UBE2E2: variants seen among roughly 807,000 people sequenced by gnomAD.
UBE2E2 encodes the protein ubiquitin-conjugating enzyme E2 E2.
UBE2E2 carries 6 observed loss-of-function variants against 24.7 expected under a neutral mutation model. That is an observed-to-expected ratio of 0.24 (90% confidence interval 0.13 to 0.48). The LOEUF (loss-of-function observed/expected upper bound fraction) is 0.48. Among genes scored for constraint, UBE2E2 ranks in the 20% least tolerant of loss-of-function variants. The pLI is 0.99. For missense variants in UBE2E2, 169 were observed against 245.0 expected (o/e 0.69, Z 2.07); for synonymous variants, 104 against 83.6 (o/e 1.24, Z -1.33).
chr3:23,317,090 C>T (rs75566171), intron 3 of UBE2E2, among the ~76,000 whole-genome samples: 144 of 152,262 alleles, frequency 9.5e-4, no homozygotes, highest in Non-Finnish European at 1.6e-3. Context: ...ATGGTGCATA[C>T]GCTCCTTTAG....
At chr3:23,259,899 A>AT (rs1185181572) in intron 3 of UBE2E2, among the ~76,000 whole-genome samples, 1 of 152,224 alleles carries the variant, frequency 6.6e-6, no homozygotes, top group African/African-American at 2.4e-5. Flanking sequence ...AACACATGGA[A>AT]TTAGATCAGT....
At chr3:23,343,849 A>G (rs958816797) in intron 3 of UBE2E2, among the ~76,000 whole-genome samples, 1 of 152,138 alleles carries the variant, frequency 6.6e-6, no homozygotes, top group Non-Finnish European at 1.5e-5. Context: ...CTTCTGCACA[A>G]TATTGTTTGA....
chr3:23,575,056 A>C (rs984026048), intron 5 of UBE2E2, among the ~76,000 whole-genome samples: 4 of 152,220 alleles, frequency 2.6e-5, no homozygotes, highest in Non-Finnish European at 4.4e-5. Context: ...AGTGGATAAC[A>C]TTAAAACCAT....
At chr3:23,508,741 A>G (rs1210067243) in intron 4 of UBE2E2, among the ~76,000 whole-genome samples, 1 of 152,184 alleles carries the variant, frequency 6.6e-6, no homozygotes, top group Non-Finnish European at 1.5e-5. Context: ...ACCGCACTCT[A>G]AATGGAAGTT....
At chr3:23,335,395 A>G (rs1487429035) in intron 3 of UBE2E2, among the ~76,000 whole-genome samples, 2 of 152,224 alleles carry the variant, frequency 1.3e-5, no homozygotes, top group African/African-American at 4.8e-5. Flanking sequence ...TCACAGACAT[A>G]TAAGGCATTT....
At chr3:23,373,368 C>T (rs1264963393) in intron 3 of UBE2E2, among the ~76,000 whole-genome samples, 1 of 152,168 alleles carries the variant, frequency 6.6e-6, no homozygotes, top group Non-Finnish European at 1.5e-5. Context: ...ATTCCACAGC[C>T]TCCAATTCCA....
At position 23,588,379 on chromosome 3, in the gene UBE2E2, AT is replaced by A. The variant is rs1210879222; in HGVS notation, c.509-1353del. Among the ~76,000 whole-genome samples the A allele has an allele frequency of 1.4e-5, 2 of 147,434 alleles. 1 individual carries two copies. Among genetic ancestry groups the A allele is most frequent in the South Asian group, 4.4e-4 (2 of 4,538 alleles). ...AGGAACCTAAGTTACTTTTTTTTTA[AT>A]TGCTTTGCTTTTTGTTTTTTTGTTT... On this transcript the variant is annotated intron_variant, in intron 5 of 5. Transcript: ENST00000396703.
intron 3 of UBE2E2, among the ~76,000 whole-genome samples, chr3:23,253,654 G>A (rs1697638988): frequency 6.6e-6 from 1 of 152,130 alleles, no homozygotes; most frequent in African/African-American, 2.4e-5. Context: ...AATATGGACT[G>A]TTACCTGTAA....
intron 3 of UBE2E2, among the ~76,000 whole-genome samples, chr3:23,366,202 T>G (rs1293833581): frequency 6.6e-6 from 1 of 152,214 alleles, no homozygotes; most frequent in Admixed American, 6.5e-5. Context: ...GGAACACTTA[T>G]ACACTGCTGG....
chr3:23,303,957 G>T lies in UBE2E2; in HGVS notation c.227+86645G>T, dbSNP rs577519869. Among the ~76,000 whole-genome samples, 36 of 152,300 alleles carry T rather than the reference G, an allele frequency of 2.4e-4. 1 individual carries two copies. In the South Asian group the frequency reaches 7.3e-3, roughly 31 times the overall value. ...GTCTTACCTGAATTCTCTCCATAGA[G>T]TGTAATTATCTGAGCTGGATTCTTC... On this transcript the variant is annotated intron_variant, in intron 3 of 5. Coordinates refer to ENST00000396703, the MANE Select transcript of UBE2E2 (RefSeq NM_152653.4).
chr3:23,541,965 A>G (rs1695404932), intron 5 of UBE2E2, among the ~76,000 whole-genome samples: 1 of 152,204 alleles, frequency 6.6e-6, no homozygotes, highest in African/African-American at 2.4e-5. Flanking sequence ...GTTCATACAC[A>G]GACTAATTTA....
At position 23,589,187 on chromosome 3, in the gene UBE2E2, A is replaced by C. The variant is rs1275649419; in HGVS notation, c.509-547A>C. Among the ~76,000 whole-genome samples, 1 of 152,142 alleles carries C rather than the reference A, an allele frequency of 6.6e-6. No individual in the cohort carries two copies. Among genetic ancestry groups the C allele is most frequent in the African/African-American group, 2.4e-5 (1 of 41,440 alleles). ...TCCCAGCACTTTGGGAGGCTGAGGC[A>C]GGAGGATAACTTGAGCCCAGGAGTT... On this transcript the variant is annotated intron_variant, in intron 5 of 5. Coordinates refer to ENST00000396703, the MANE Select transcript of UBE2E2 (RefSeq NM_152653.4). This position sits in a 1 kb window ranked among gnomAD's most constrained non-coding sequence, Gnocchi z 4.1.
At chr3:23,476,477 T>C (rs1559395620) in intron 3 of UBE2E2, among the ~76,000 whole-genome samples, 1 of 152,074 alleles carries the variant, frequency 6.6e-6, no homozygotes, top group Non-Finnish European at 1.5e-5. Context: ...GGAGGCTTGC[T>C]TGAGGCCAGG....
At chr3:23,479,971 A>G (rs1354012771) in intron 3 of UBE2E2, among the ~76,000 whole-genome samples, 1 of 152,198 alleles carries the variant, frequency 6.6e-6, no homozygotes, top group Non-Finnish European at 1.5e-5. Context: ...TCCAGGCTGC[A>G]GACTTTGCTC....
chr3:23,226,982 A>G (rs1375018942), intron 3 of UBE2E2, among the ~76,000 whole-genome samples: 1 of 151,998 alleles, frequency 6.6e-6, no homozygotes, highest in Non-Finnish European at 1.5e-5. Context: ...CAAAAAAAAA[A>G]AAAAAAAGGC....
chr3:23,442,513 TA>T (rs1427286146), intron 3 of UBE2E2, among the ~76,000 whole-genome samples: 1 of 152,184 alleles, frequency 6.6e-6, no homozygotes, highest in Admixed American at 6.5e-5. Flanking sequence ...CTCCTATGTG[TA>T]AGGAAGAAAG....
chr3:23,424,395 C>A (rs1339597590), intron 3 of UBE2E2, among the ~76,000 whole-genome samples: 3 of 151,136 alleles, frequency 2.0e-5, no homozygotes, highest in African/African-American at 7.3e-5. Context: ...GAGCAGGTAG[C>A]CTTTCTGGGA....
At chr3:23,541,435 C>T (rs1248577773) in intron 5 of UBE2E2, among the ~76,000 whole-genome samples, 1 of 152,148 alleles carries the variant, frequency 6.6e-6, no homozygotes, top group Non-Finnish European at 1.5e-5. Flanking sequence ...TTTAGTAGAT[C>T]CTGGAGCTTA....
chr3:23,448,657 ATG>A (rs933455191), intron 3 of UBE2E2, among the ~76,000 whole-genome samples: 1 of 152,182 alleles, frequency 6.6e-6, no homozygotes, highest in African/African-American at 2.4e-5. Context: ...TGTAATTCAA[ATG>A]TGTTACCTAA....
Sources: allele counts gnomAD v4.1 joint callset (sites outside exome capture counted in the v4.1 genomes callset), GRCh38; gene constraint gnomAD v4.1.1; non-coding constraint Gnocchi (gnomAD v3.1); transcripts MANE v1.5; gene names NCBI Gene and HGNC (gene_info 2026-07-23, HGNC 2026-07-21).